CADPS2: variants seen among roughly 807,000 people sequenced by gnomAD.
The protein encoded by CADPS2 is calcium dependent secretion activator 2.
In CADPS2, 93 loss-of-function variants were observed where a neutral mutation model predicts 172.5. That is an observed-to-expected ratio of 0.54 (90% confidence interval 0.46 to 0.64). The LOEUF (loss-of-function observed/expected upper bound fraction) is 0.64, where lower values mean the gene tolerates loss of function less well. Ranked by LOEUF, CADPS2 falls within the 30% of genes least tolerant of loss-of-function variation. The pLI is 0.00. For missense variants in CADPS2, 1,420 were observed against 1,565.9 expected, an observed-to-expected ratio of 0.91 and a Z score of 1.57; for synonymous variants, 546 against 555.2, an observed-to-expected ratio of 0.98 and a Z score of 0.23.
rs1224598345 is a variant in CADPS2 at position 122,319,049 on chromosome 7, T to TGAGA, written c.*1112_*1115dup. 1.3e-5 allele frequency: 2 copies of TGAGA among 152,180 alleles called. No individual in the cohort carries two copies. The highest frequency in any genetic ancestry group is 2.9e-5 in the Non-Finnish European group (2 of 68,038). The allele number at this position is 152,180 out of a possible 1,614,324, so 9.4% of individuals were successfully genotyped here. ...CTCAAACCCTAGCAAGAAAATATTT[T>TGAGA]GAGAGAACCACTAATAATGTGAATT... On this transcript the variant is annotated 3_prime_UTR_variant, in exon 30 of 30. Coordinates refer to ENST00000449022, the MANE Select transcript of CADPS2 (RefSeq NM_017954.11).
At chr7:122,540,133 T>C (rs1247260849) in intron 8 of CADPS2, among the ~76,000 whole-genome samples, 1 of 152,014 alleles carries the variant, frequency 6.6e-6, no homozygotes, top group Non-Finnish European at 1.5e-5. Context: ...CATGACTACA[T>C]TACAAGTTTC....
chr7:122,792,064 T>C (rs1795406619), intron 1 of CADPS2, among the ~76,000 whole-genome samples: 1 of 152,192 alleles, frequency 6.6e-6, no homozygotes, highest in Non-Finnish European at 1.5e-5. Flanking sequence ...AAACTCAGTA[T>C]TGCCAATCAA....
chr7:122,374,137 T>A (rs142892736), intron 25 of CADPS2, among the ~76,000 whole-genome samples: 2 of 152,052 alleles, frequency 1.3e-5, no homozygotes, highest in African/African-American at 4.8e-5. Flanking sequence ...ATTAATAGAA[T>A]GAAGGATAAA....
chr7:122,361,274 C>T (rs906661774), intron 25 of CADPS2, among the ~76,000 whole-genome samples: 6 of 146,554 alleles, frequency 4.1e-5, no homozygotes, highest in African/African-American at 1.5e-4. Context: ...TGCTCTGTCA[C>T]CCAGGCTGGA....
At chr7:122,781,178 C>A (rs1015429388) in intron 1 of CADPS2, among the ~76,000 whole-genome samples, 2 of 152,124 alleles carry the variant, frequency 1.3e-5, no homozygotes, top group African/African-American at 2.4e-5. Flanking sequence ...ACTTGTTGAT[C>A]ATTTCAATTT....
At chr7:122,635,683 T>C (rs2077005759) in intron 3 of CADPS2, among the ~76,000 whole-genome samples, 1 of 152,216 alleles carries the variant, frequency 6.6e-6, no homozygotes, top group Non-Finnish European at 1.5e-5. Context: ...CTATCATTGT[T>C]GGGCATTTGG....
At chr7:122,344,037 G>T (rs1020904116) in intron 28 of CADPS2, among the ~76,000 whole-genome samples, 3 of 152,142 alleles carry the variant, frequency 2.0e-5, no homozygotes, top group African/African-American at 7.2e-5. Context: ...CCTGAGTAAA[G>T]GGTAGAAACA....
chr7:122,613,982 TA>T (rs1004212733), intron 6 of CADPS2, among the ~76,000 whole-genome samples: 1 of 151,796 alleles, frequency 6.6e-6, no homozygotes, highest in African/African-American at 2.4e-5. Context: ...CCCACTGGGT[TA>T]AAGGGAAGGA....
chr7:122,858,313 C>T (rs1815903467), intron 1 of CADPS2, among the ~76,000 whole-genome samples: 1 of 152,146 alleles, frequency 6.6e-6, no homozygotes, highest in African/African-American at 2.4e-5. Context: ...AATATACCCA[C>T]AAACTCTCGA....
intron 1 of CADPS2, among the ~76,000 whole-genome samples, chr7:122,778,525 C>G (rs951669786): frequency 6.6e-6 from 1 of 152,160 alleles, no homozygotes; most frequent in African/African-American, 2.4e-5. Context: ...GCAGTCCCTC[C>G]CATCATAGGC....
chr7:122,843,297 T>C (rs1474916763), intron 1 of CADPS2, among the ~76,000 whole-genome samples: 3 of 151,886 alleles, frequency 2.0e-5, no homozygotes, highest in Admixed American at 6.6e-5. Flanking sequence ...CAACAATATA[T>C]AAGGATGGAG....
intron 22 of CADPS2, among the ~76,000 whole-genome samples, chr7:122,391,767 T>C (rs903567313): frequency 2.0e-5 from 3 of 152,292 alleles, no homozygotes; most frequent in South Asian, 2.1e-4. Context: ...TTTTCTTGAT[T>C]GTGTGCATAC....
intron 2 of CADPS2, among the ~76,000 whole-genome samples, chr7:122,690,770 G>A (rs958074223): frequency 6.6e-6 from 1 of 152,188 alleles, no homozygotes; most frequent in East Asian, 1.9e-4. Flanking sequence ...TACTGTAGGT[G>A]TCACCTTCTT....
intron 1 of CADPS2, among the ~76,000 whole-genome samples, chr7:122,804,276 A>T (rs1224707956): frequency 2.0e-5 from 3 of 152,240 alleles, no homozygotes; most frequent in Non-Finnish European, 4.4e-5. Flanking sequence ...ATAAGCCAAG[A>T]CAAGGCATTA....
In CADPS2 at chr7:122,513,189, TAAAC is replaced by T. The variant is rs904796593; in HGVS notation, c.1542+56_1542+59del. ...TAAATTTTGATAGATATAACCCACA[TAAAC>T]AAATTTTGAGAACTGCTATCTTAGA... On this transcript the variant is annotated intron_variant, in intron 9 of 29. Coordinates refer to ENST00000449022, the MANE Select transcript of CADPS2 (RefSeq NM_017954.11). 5.8e-5 allele frequency: 68 copies of T among 1,182,522 alleles called. No individual in the cohort carries two copies. In the African/African-American group the frequency reaches 6.4e-4, roughly 11 times the overall value. 73.3% of individuals were successfully genotyped at this position (1,182,522 alleles called of 1,614,324 possible). A position where few individuals can be genotyped will look rare whatever the true frequency, so the allele number is the denominator to read the frequency against.
chr7:122,643,655 T>A (rs1308932390), intron 3 of CADPS2, among the ~76,000 whole-genome samples: 1 of 151,494 alleles, frequency 6.6e-6, no homozygotes, highest in Non-Finnish European at 1.5e-5. Context: ...TTACCCTTGA[T>A]TAGGTGAAAA....
chr7:122,440,833 T>G (rs752482780), intron 16 of CADPS2, among the ~76,000 whole-genome samples: 1 of 152,194 alleles, frequency 6.6e-6, no homozygotes, highest in Non-Finnish European at 1.5e-5. Context: ...ATTATTTAAC[T>G]GTTAGCATCT....
chr7:122,506,515 C>G (rs1168061894), intron 9 of CADPS2, among the ~76,000 whole-genome samples: 6 of 152,142 alleles, frequency 3.9e-5, no homozygotes, highest in Non-Finnish European at 7.3e-5. Flanking sequence ...CCAACCTGTG[C>G]AATACCTGTC....
intron 28 of CADPS2, among the ~76,000 whole-genome samples, chr7:122,342,540 T>C (rs778518405): frequency 1.2e-4 from 19 of 152,202 alleles, no homozygotes; most frequent in Admixed American, 2.0e-4. Flanking sequence ...TATTACATGC[T>C]TTCCAAAAAT....
Sources: allele counts gnomAD v4.1 joint callset (sites outside exome capture counted in the v4.1 genomes callset), GRCh38; gene constraint gnomAD v4.1.1; transcripts MANE v1.5; gene names NCBI Gene and HGNC (gene_info 2026-07-23, HGNC 2026-07-21).